The following CFAP58 variants were observed in gnomAD, a reference collection of about 807,000 sequenced individuals.
CFAP58 encodes cilia and flagella associated protein 58, also known as cilia- and flagella-associated protein 58.
A neutral mutation model predicts 119.5 loss-of-function variants in CFAP58; 88 were observed. That is an observed-to-expected ratio of 0.74 (90% CI 0.62 to 0.88). CFAP58 has a LOEUF of 0.88. CFAP58 is among the 40% of genes least tolerant of loss of function. The pLI is 0.00. For missense variants in CFAP58, 990 were observed against 1,021.2 expected (o/e 0.97, Z 0.42); for synonymous variants, 365 against 366.3 (o/e 1.00, Z 0.04).
At chr10:104,376,202 C>A (rs145491931) in intron 7 of CFAP58, among the ~76,000 whole-genome samples, 1 of 151,850 alleles carries the variant, frequency 6.6e-6, no homozygotes, top group Non-Finnish European at 1.5e-5. Flanking sequence ...GAAAGTAAGT[C>A]ATGATATACA....
At chr10:104,422,496 AT>A (rs1348867576) in intron 15 of CFAP58, among the ~76,000 whole-genome samples, 1 of 152,178 alleles carries the variant, frequency 6.6e-6, no homozygotes, top group East Asian at 1.9e-4. Context: ...TCAGTTGGCA[AT>A]TTGAGCTGGG....
intron 7 of CFAP58, 71 bp from the exon 8 acceptor site, chr10:104,376,740 C>T: frequency 8.2e-7 from 1 of 1,215,470 alleles, no homozygotes; most frequent in Non-Finnish European, 1.2e-6. Flanking sequence ...GTTTTTGTAT[C>T]ACTTCGGCTT....
chr10:104,364,801 T>C lies in CFAP58; in HGVS notation c.509T>C (p.Val170Ala). ...AGAGACCAGCTCTTATCAGAAGTGG[T>C]AAAATTACGAGAATCCCTAGCTCAG... The part of the protein sequence containing the change: ...KERDQLLSEV[V>A]KLRESLAQTT... Residue 170 changes from valine (V) to alanine (A), a missense_variant, in exon 4 of 18, where the codon GTA becomes GCA. Val to Ala is a moderately conservative substitution (Grantham distance 64). Coordinates refer to ENST00000369704, the MANE Select transcript of CFAP58 (RefSeq NM_001008723.2). The C allele has an allele frequency of 6.2e-7, 1 of 1,611,966 alleles. No individual in the cohort carries two copies. Among genetic ancestry groups the C allele is most frequent in the Non-Finnish European group, 8.5e-7 (1 of 1,179,186 alleles).
Position 104,454,527 on chromosome 10 carries a change from C to T in CFAP58, c.2616C>T (p.Phe872=). 1 of 1,610,326 alleles carries T rather than the reference C, an allele frequency of 6.2e-7. No individual in the cohort carries two copies. Among genetic ancestry groups the T allele is most frequent in the Non-Finnish European group, 8.5e-7 (1 of 1,176,734 alleles). The change falls in exon 18 of 18, where the codon TTC becomes TTT. Residue 872 remains phenylalanine (F), a synonymous_variant. Coordinates refer to ENST00000369704, the MANE Select transcript of CFAP58 (RefSeq NM_001008723.2). The part of the protein sequence containing the change: ...GFPLRSTKMT[F] ...CTCTCAGGTCAACCAAAATGACGTT[C>T]TAACCTGAAGCTGCTGGCTGTTTCC...
chr10:104,385,801 T>A (rs1349646453), intron 9 of CFAP58, among the ~76,000 whole-genome samples: 1 of 152,198 alleles, frequency 6.6e-6, no homozygotes, highest in African/African-American at 2.4e-5. Context: ...CTGTACAGGC[T>A]GACCATGTTC....
intron 15 of CFAP58, among the ~76,000 whole-genome samples, chr10:104,437,370 A>G (rs77830350): frequency 0.019 from 2,913 of 152,280 alleles, 93 homozygotes; most frequent in African/African-American, 0.066. Context: ...AATATTAACA[A>G]ACGAGCTTGC....
At chr10:104,408,497 C>T (rs1225724775) in intron 15 of CFAP58, among the ~76,000 whole-genome samples, 1 of 152,204 alleles carries the variant, frequency 6.6e-6, no homozygotes, top group African/African-American at 2.4e-5. Context: ...CAAGTCTGTG[C>T]AGCTGGTTAA....
the CFAP58 span, among the ~76,000 whole-genome samples, chr10:104,346,501 C>T: frequency 6.6e-6 from 1 of 151,932 alleles, no homozygotes; most frequent in African/African-American, 2.4e-5. Context: ...GTGTGCAACA[C>T]CACGCCCAGC....
At chr10:104,338,616 C>G in the CFAP58 span, among the ~76,000 whole-genome samples, 6 of 152,312 alleles carry the variant, frequency 3.9e-5, no homozygotes, top group African/African-American at 7.2e-5. Context: ...CCAGAAACTT[C>G]CCCGGCACGG....
At chr10:104,364,472 T>G (rs1305896284) in intron 3 of CFAP58, among the ~76,000 whole-genome samples, 1 of 131,282 alleles carries the variant, frequency 7.6e-6, no homozygotes, top group Admixed American at 7.5e-5. Context: ...ACACACACAC[T>G]CTCACACGCA....
At position 104,364,891 on chromosome 10, in the gene CFAP58, T is replaced by C. The variant is rs1385524366; in HGVS notation, c.597+2T>C. ...GAGGCTGAACATGCCATCAGTCAGG[T>C]CTGCCATGGAGGGCAAGAAGAAGGA... is the stretch of plus-strand genomic sequence containing the variant. On this transcript the variant is annotated splice_donor_variant, in intron 4 of 17. Coordinates refer to ENST00000369704, the MANE Select transcript of CFAP58 (RefSeq NM_001008723.2). LOFTEE classifies it high-confidence loss of function. The C allele has an allele frequency of 6.2e-7, 1 of 1,611,272 alleles. No homozygotes were observed. Among genetic ancestry groups the C allele is most frequent in the Non-Finnish European group, 8.5e-7 (1 of 1,178,922 alleles).
At chr10:104,444,465 G>A (rs1228680392) in intron 15 of CFAP58, among the ~76,000 whole-genome samples, 1 of 152,188 alleles carries the variant, frequency 6.6e-6, no homozygotes, top group Non-Finnish European at 1.5e-5. Context: ...TGCACGCTTT[G>A]TCTCTAAATG....
Position 104,376,700 on chromosome 10 carries a change from T to G in CFAP58, c.1091-111T>G, listed in dbSNP as rs574801605. ...GTCACATACACTTGGTTAATAGTAG[T>G]TTTATAGCTAGAGACAAACATGTAA... On this transcript the variant is annotated intron_variant, in intron 7 of 17. Coordinates refer to ENST00000369704, the MANE Select transcript of CFAP58 (RefSeq NM_001008723.2). 19 of 751,974 alleles carry G rather than the reference T, an allele frequency of 2.5e-5. No homozygotes were observed. In the East Asian group the frequency reaches 5.3e-4, roughly 21 times the overall value. The allele number at this position is 751,974 out of a possible 1,614,324, so 46.6% of individuals were successfully genotyped here. A position where few individuals can be genotyped will look rare whatever the true frequency, so the allele number is the denominator to read the frequency against.
the CFAP58 span, among the ~76,000 whole-genome samples, chr10:104,344,890 G>C: frequency 6.6e-6 from 1 of 152,176 alleles, no homozygotes; most frequent in East Asian, 1.9e-4. Flanking sequence ...GCTCACGCCT[G>C]TAATCCCAGC....
the CFAP58 span, among the ~76,000 whole-genome samples, chr10:104,343,749 C>CTTAT: frequency 2.0e-5 from 3 of 152,072 alleles, no homozygotes; most frequent in African/African-American, 4.8e-5. Context: ...GAAGAAAATG[C>CTTAT]TTATTTATTT....
chr10:104,406,462 T>A (rs1589924844), intron 14 of CFAP58, among the ~76,000 whole-genome samples: 1 of 152,362 alleles, frequency 6.6e-6, no homozygotes, highest in East Asian at 1.9e-4. Flanking sequence ...ATTCATAGAA[T>A]AACTAATGCC....
chr10:104,429,954 G>C (rs1008332195), intron 15 of CFAP58, among the ~76,000 whole-genome samples: 1 of 151,866 alleles, frequency 6.6e-6, no homozygotes, highest in Non-Finnish European at 1.5e-5. Context: ...CCTCCCACTC[G>C]GGGAGGGGTC....
At chr10:104,382,378 T>G in intron 9 of CFAP58, 1 of 529,942 alleles carries the variant, frequency 1.9e-6, no homozygotes, top group Non-Finnish European at 3.4e-6. Context: ...CAGCCTCCAG[T>G]TTCTTCTTCC....
intron 5 of CFAP58, 142 bp downstream of exon 5, chr10:104,366,150 G>T (rs1166458115): frequency 8.1e-6 from 6 of 737,176 alleles, no homozygotes; most frequent in Non-Finnish European, 1.1e-5. Context: ...ACTTAGCACT[G>T]CAATTTGGTC....
Sources: gnomAD v4.1 joint callset for allele counts (sites outside exome capture counted in the v4.1 genomes callset) on GRCh38, gnomAD v4.1.1 for gene constraint, MANE v1.5 for transcripts, NCBI Gene and HGNC (gene_info 2026-07-23, HGNC 2026-07-21) for gene names.